GTSE1: variants seen among roughly 807,000 people sequenced by gnomAD.
GTSE1 encodes G2 and S-phase expressed 1.
In GTSE1, 52 loss-of-function variants were observed where a neutral mutation model predicts 60.5. The observed-to-expected ratio is 0.86, with a 90% CI of 0.69 to 1.08. GTSE1 has a LOEUF of 1.08. GTSE1 is among the 50% of genes least tolerant of loss of function. The probability of loss-of-function intolerance (pLI) is 0.00; values close to 1 mark genes in which losing one functional copy is unlikely to be tolerated. For missense variants in GTSE1, 937 were observed against 961.8 expected (o/e 0.97, Z 0.34); for synonymous variants, 368 against 386.5 (o/e 0.95, Z 0.56).
intron 2 of GTSE1, among the ~76,000 whole-genome samples, chr22:46,299,312 G>C: frequency 6.6e-6 from 1 of 152,274 alleles, no homozygotes; most frequent in South Asian, 2.1e-4. Context: ...TAGCTGTGCA[G>C]CGTATCTGCT....
intron 9 of GTSE1, 41 bp from the exon 10 acceptor site, chr22:46,328,647 T>G: frequency 1.3e-6 from 2 of 1,496,742 alleles, no homozygotes; most frequent in Non-Finnish European, 1.9e-6. Flanking sequence ...TGAACGAGCA[T>G]TTTAGAGACA....
chr22:46,314,014 G>A lies in GTSE1; in HGVS notation c.1051+1G>A, dbSNP rs371303621. ...TGCACATCCCCAGCAGTGGGCAAAG[G>A]TGAGGCAGCCGGCATCATGCTTGGA... On this transcript the variant is annotated splice_donor_variant, in intron 6 of 11. Coordinates refer to ENST00000454366, the MANE Select transcript of GTSE1 (RefSeq NM_016426.7). LOFTEE classifies it high-confidence loss of function. This position sits in a 1 kb window ranked among gnomAD's most constrained non-coding sequence, Gnocchi z 7.1. 5 of 1,613,896 alleles carry A rather than the reference G, an allele frequency of 3.1e-6. No homozygotes were observed. Among genetic ancestry groups the A allele is most frequent in the Non-Finnish European group, 4.2e-6 (5 of 1,179,892 alleles).
chr22:46,300,097 T>G (rs943927439), intron 2 of GTSE1, among the ~76,000 whole-genome samples: 1 of 145,732 alleles, frequency 6.9e-6, no homozygotes. Flanking sequence ...GCCACTGTGC[T>G]CAGCCTTTTT....
intron 2 of GTSE1, among the ~76,000 whole-genome samples, chr22:46,301,983 C>A (rs1440239045): frequency 6.6e-6 from 1 of 152,058 alleles, no homozygotes; most frequent in Admixed American, 6.6e-5. Context: ...ACAAAATTAG[C>A]CAGACATGCT....
At chr22:46,328,976 G>GGAACTC in intron 10 of GTSE1, 87 bp downstream of exon 10, 1 of 1,093,132 alleles carries the variant, frequency 9.1e-7, no homozygotes, top group Non-Finnish European at 1.4e-6. Context: ...GCTGTGGCTG[G>GGAACTC]CGGAGTTCCC....
At position 46,313,634 on chromosome 22, in the gene GTSE1, G is replaced by A. The variant is rs1387249203; in HGVS notation, c.928-256G>A. Among the ~76,000 whole-genome samples the A allele has an allele frequency of 2.0e-5, 3 of 152,068 alleles. No individual in the cohort carries two copies. Among genetic ancestry groups the A allele is most frequent in the African/African-American group, 2.4e-5 (1 of 41,402 alleles). ...AGCAATTCTCCTACCTCAGCCTCCCGAGTAGCTGGGACTACAGGTGCCTGC... is the reference window on the plus strand; with the variant it reads ...AGCAATTCTCCTACCTCAGCCTCCCAAGTAGCTGGGACTACAGGTGCCTGC... On this transcript the variant is annotated intron_variant, in intron 5 of 11. Coordinates refer to ENST00000454366, the MANE Select transcript of GTSE1 (RefSeq NM_016426.7). This position sits in a 1 kb window ranked among gnomAD's most constrained non-coding sequence, Gnocchi z 4.4.
At chr22:46,311,180 C>T (rs1378237437) in intron 4 of GTSE1, among the ~76,000 whole-genome samples, 1 of 152,028 alleles carries the variant, frequency 6.6e-6, no homozygotes, top group Non-Finnish European at 1.5e-5. Context: ...CGGGTTCAAG[C>T]AGTCCTCCTG....
intron 2 of GTSE1, among the ~76,000 whole-genome samples, chr22:46,303,807 T>A (rs199973608): frequency 6.6e-6 from 1 of 152,192 alleles, no homozygotes; most frequent in East Asian, 1.9e-4. Context: ...AATGGGAATG[T>A]TGTCGTGTGT....
Position 46,314,590 on chromosome 22 carries a change from A to T in GTSE1, c.1051+577A>T, listed in dbSNP as rs1263811760. On this transcript the variant is annotated intron_variant, in intron 6 of 11. Coordinates refer to ENST00000454366, the MANE Select transcript of GTSE1 (RefSeq NM_016426.7). The surrounding 1 kb of genome is among the most constrained non-coding windows in gnomAD (Gnocchi z 7.1). Reference sequence around the variant, plus strand: ...TGGATTGTGTTCACAAAATGTAAAAAGTGGGCCGGGCGCAGGGGCTCACGC... The same window carrying T: ...TGGATTGTGTTCACAAAATGTAAAATGTGGGCCGGGCGCAGGGGCTCACGC... Among the ~76,000 whole-genome samples, 1 of 152,074 alleles carries T rather than the reference A, an allele frequency of 6.6e-6. No homozygotes were observed. Among genetic ancestry groups the T allele is most frequent in the East Asian group, 1.9e-4 (1 of 5,152 alleles).
rs1167074897 is a variant in GTSE1 at position 46,321,876 on chromosome 22, C to T, written c.1433-1314C>T. 6.6e-6 allele frequency among the ~76,000 whole-genome samples: 1 copy of T among 152,060 alleles called. No individual in the cohort carries two copies. The highest frequency in any genetic ancestry group is 2.4e-5 in the African/African-American group (1 of 41,428). Reference sequence around the variant, plus strand: ...ATCACTTGAGGTCAGGAGTTCAAGACCAGCCTGGCCAACATGGCAAAACCC... The same window carrying T: ...ATCACTTGAGGTCAGGAGTTCAAGATCAGCCTGGCCAACATGGCAAAACCC... On this transcript the variant is annotated intron_variant, in intron 7 of 11. Transcript: ENST00000454366. This position sits in a 1 kb window ranked among gnomAD's most constrained non-coding sequence, Gnocchi z 4.0.
Position 46,297,282 on chromosome 22 carries a change from C to T in GTSE1, c.-21-98C>T. On this transcript the variant is annotated intron_variant, in intron 1 of 11. Transcript: ENST00000454366. The surrounding 1 kb of genome is among the most constrained non-coding windows in gnomAD (Gnocchi z 4.9). ...CCGCCTCTCCCAGACCTGGCCGCGGCCTTCAGCTCTCTCTGCCTCTGTGAG... is the reference window on the plus strand; with the variant it reads ...CCGCCTCTCCCAGACCTGGCCGCGGTCTTCAGCTCTCTCTGCCTCTGTGAG... The T allele has an allele frequency of 1.3e-6, 1 of 770,512 alleles. No homozygotes were observed. Among genetic ancestry groups the T allele is most frequent in the Non-Finnish European group, 2.3e-6 (1 of 442,472 alleles). The allele number at this position is 770,512 out of a possible 1,614,324, so 47.7% of individuals were successfully genotyped here.
rs545431037 is a variant in GTSE1 at position 46,319,049 on chromosome 22, C to T, written c.1432+2637C>T. ...CTTCCCTGCACAGGATGCTAGGACA[C>T]GTTGTCTTTATTCCGCACACAGCTG... On this transcript the variant is annotated intron_variant, in intron 7 of 11. Transcript: ENST00000454366. This position sits in a 1 kb window ranked among gnomAD's most constrained non-coding sequence, Gnocchi z 5.0. 4.1e-4 allele frequency among the ~76,000 whole-genome samples: 63 copies of T among 152,300 alleles called. No homozygotes were observed. The highest frequency in any genetic ancestry group is 1.5e-3 in the African/African-American group (62 of 41,562).
At position 46,321,975 on chromosome 22, in the gene GTSE1, G is replaced by T. The variant is rs2077815242; in HGVS notation, c.1433-1215G>T. Among the ~76,000 whole-genome samples the T allele has an allele frequency of 6.7e-6, 1 of 150,070 alleles. No individual in the cohort carries two copies. The highest frequency in any genetic ancestry group is 2.1e-4 in the South Asian group (1 of 4,758). On this transcript the variant is annotated intron_variant, in intron 7 of 11. Transcript: ENST00000454366. The surrounding 1 kb of genome is among the most constrained non-coding windows in gnomAD (Gnocchi z 4.0). ...TATAATTCCAGCTACTCAGGAGGCT[G>T]AGGCAAAAGAATCACTTGAACCCAG...
chr22:46,312,170 C>T lies in GTSE1; in HGVS notation c.792C>T (p.Ser264=), dbSNP rs2147820424. The T allele has an allele frequency of 6.2e-7, 1 of 1,613,630 alleles. No homozygotes were observed. Among genetic ancestry groups the T allele is most frequent in the Non-Finnish European group, 8.5e-7 (1 of 1,179,718 alleles). Reference sequence around the variant, plus strand: ...AGAAAGAGATTCCAGCTAGTCCTTCCAGGACAAAAATCCCAGCTGAGAAGG... The same window carrying T: ...AGAAAGAGATTCCAGCTAGTCCTTCTAGGACAAAAATCCCAGCTGAGAAGG... ...KPKKEIPASP[S]RTKIPAEKES... The change falls in exon 5 of 12, where the codon TCC becomes TCT. Residue 264 remains serine (S), a synonymous_variant. Transcript: ENST00000454366.
chr22:46,319,127 C>T lies in GTSE1; in HGVS notation c.1432+2715C>T, dbSNP rs1032149636. ...GCTGTTGAACAAAAACTAGCAACCTCAGCCAGTCAGTGACCGAGGGGCAGG... is the reference window on the plus strand; with the variant it reads ...GCTGTTGAACAAAAACTAGCAACCTTAGCCAGTCAGTGACCGAGGGGCAGG... On this transcript the variant is annotated intron_variant, in intron 7 of 11. Coordinates refer to ENST00000454366, the MANE Select transcript of GTSE1 (RefSeq NM_016426.7). This position sits in a 1 kb window ranked among gnomAD's most constrained non-coding sequence, Gnocchi z 5.0. 6.6e-6 allele frequency among the ~76,000 whole-genome samples: 1 copy of T among 152,202 alleles called. No individual in the cohort carries two copies. The highest frequency in any genetic ancestry group is 1.5e-5 in the Non-Finnish European group (1 of 68,048).
Position 46,310,223 on chromosome 22 carries a change from T to C in GTSE1, c.762+1280T>C, listed in dbSNP as rs1159279386. Among the ~76,000 whole-genome samples, 1 of 152,160 alleles carries C rather than the reference T, an allele frequency of 6.6e-6. No homozygotes were observed. ...CTTGAGTGTAACACCTACTTACAAG[T>C]GTGCTTGACAGAGAACTGCTAGGAT... On this transcript the variant is annotated intron_variant, in intron 4 of 11. Transcript: ENST00000454366. The surrounding 1 kb of genome is among the most constrained non-coding windows in gnomAD (Gnocchi z 4.4).
chr22:46,322,424 G>A (rs1035660752), intron 7 of GTSE1, among the ~76,000 whole-genome samples: 1 of 152,316 alleles, frequency 6.6e-6, no homozygotes, highest in South Asian at 2.1e-4. Context: ...ATAGCAAGGT[G>A]TTCCAAGGGG....
intron 4 of GTSE1, among the ~76,000 whole-genome samples, chr22:46,311,015 G>A (rs1169206549): frequency 6.6e-6 from 1 of 152,088 alleles, no homozygotes; most frequent in East Asian, 1.9e-4. Context: ...CCTAGGTGGG[G>A]CTGGGGAGGA....
rs540098695 is a variant in GTSE1 at position 46,324,624 on chromosome 22, C to A, written c.1505+1362C>A. Among the ~76,000 whole-genome samples, 2 of 152,178 alleles carry A rather than the reference C, an allele frequency of 1.3e-5. No individual in the cohort carries two copies. The highest frequency in any genetic ancestry group is 2.9e-5 in the Non-Finnish European group (2 of 68,046). ...CCTCGTGATCCACCAGCCTTGGCCT[C>A]GCAAAGTGCTGGGATTACAGGTGTG... On this transcript the variant is annotated intron_variant, in intron 8 of 11. Transcript: ENST00000454366. The surrounding 1 kb of genome is among the most constrained non-coding windows in gnomAD (Gnocchi z 5.2).
Sources: allele counts gnomAD v4.1 joint callset (sites outside exome capture counted in the v4.1 genomes callset), GRCh38; gene constraint gnomAD v4.1.1; non-coding constraint Gnocchi (gnomAD v3.1); transcripts MANE v1.5; gene names NCBI Gene and HGNC (gene_info 2026-07-23, HGNC 2026-07-21).